The following NEBL variants were observed in gnomAD, a reference collection of about 807,000 sequenced individuals.
The protein encoded by NEBL is nebulette.
Under a neutral mutation model 140.2 loss-of-function variants are expected in NEBL, and 122 were observed. That is an observed-to-expected ratio of 0.87 (90% CI 0.75 to 1.01). The LOEUF is 1.01. NEBL is among the 50% of genes least tolerant of loss of function. The pLI is 0.00. For missense variants in NEBL, 1,365 were observed against 1,231.3 expected (o/e 1.11, Z -1.62); for synonymous variants, 436 against 398.9 (o/e 1.09, Z -1.11).
chr10:21,196,439 G>A (rs1841653365), intron 3 of NEBL, among the ~76,000 whole-genome samples: 1 of 151,454 alleles, frequency 6.6e-6, no homozygotes, highest in African/African-American at 2.4e-5. Flanking sequence ...CTGCCTTCCG[G>A]GTTCAAGAGA....
At chr10:20,876,101 ATAT>A in intron 5 of NEBL, among the ~76,000 whole-genome samples, 1 of 152,332 alleles carries the variant, frequency 6.6e-6, no homozygotes, top group East Asian at 1.9e-4. Context: ...TAAATTGTAA[ATAT>A]TATTTTTCTG....
intron 11 of NEBL, among the ~76,000 whole-genome samples, chr10:20,849,707 T>C (rs577540081): frequency 2.6e-5 from 4 of 152,218 alleles, no homozygotes; most frequent in Non-Finnish European, 5.9e-5. Flanking sequence ...TTAATCTCTG[T>C]TCTTTATAAA....
intron 26 of NEBL, among the ~76,000 whole-genome samples, chr10:20,800,348 C>T (rs1299151746): frequency 1.3e-5 from 2 of 151,168 alleles, no homozygotes; most frequent in Non-Finnish European, 2.9e-5. Context: ...TGTATATATA[C>T]ACATTTTCTT....
intron 4 of NEBL, among the ~76,000 whole-genome samples, chr10:20,948,119 A>AT (rs1291224077): frequency 6.6e-6 from 1 of 152,160 alleles, no homozygotes; most frequent in Non-Finnish European, 1.5e-5. Context: ...TGTTGTTCCT[A>AT]TTTTTAAATT....
intron 4 of NEBL, among the ~76,000 whole-genome samples, chr10:20,884,200 T>C (rs1024744771): frequency 6.6e-6 from 1 of 152,228 alleles, no homozygotes; most frequent in African/African-American, 2.4e-5. Flanking sequence ...ACAGATAAAA[T>C]GTACATTTAT....
Position 20,784,811 on chromosome 10 carries a change from G to A in NEBL, c.*936C>T, listed in dbSNP as rs916815924. The stretch of plus-strand genomic sequence containing the variant: ...AAGATGTAAATCCTTCAAAACTAGA[G>A]TGCGATGCAGCAGGAAAATCTCAAG... On this transcript the variant is annotated 3_prime_UTR_variant, in exon 28 of 28. Transcript: ENST00000377122. 4 of 152,210 alleles carry A rather than the reference G, an allele frequency of 2.6e-5. No individual in the cohort carries two copies. Among genetic ancestry groups the A allele is most frequent in the Non-Finnish European group, 5.9e-5 (4 of 68,046 alleles). 9.4% of individuals were successfully genotyped at this position (152,210 alleles called of 1,614,324 possible). A position where few individuals can be genotyped will look rare whatever the true frequency, so the allele number is the denominator to read the frequency against.
rs1841207973 is a variant in NEBL, at chr10:21,173,970, G to A, written c.-137C>T. On this transcript the variant is annotated 5_prime_UTR_variant, in exon 1 of 7. Coordinates refer to the NEBL transcript ENST00000417816. The surrounding 1 kb of genome is among the most constrained non-coding windows in gnomAD (Gnocchi z 5.7). ...GGCGGGCGCCGGGTAGGGAGTCGGC[G>A]CCGGGCCACGGGTGAGTGCACGGGG... 4 of 1,348,692 alleles carry A rather than the reference G, an allele frequency of 3.0e-6. No individual in the cohort carries two copies. The East Asian group carries it at 9.7e-5, about 33-fold the overall frequency. The allele number at this position is 1,348,692 out of a possible 1,614,324, so 83.5% of individuals were successfully genotyped here.
At chr10:20,941,203 C>CA (rs1834842806) in intron 4 of NEBL, among the ~76,000 whole-genome samples, 1 of 152,176 alleles carries the variant, frequency 6.6e-6, no homozygotes, top group African/African-American at 2.4e-5. Flanking sequence ...TACTGGCAAA[C>CA]CAAATCCAGC....
At chr10:21,014,908 G>C (rs1158807198) in intron 3 of NEBL, among the ~76,000 whole-genome samples, 2 of 152,110 alleles carry the variant, frequency 1.3e-5, no homozygotes, top group East Asian at 3.9e-4. Context: ...TCATGCCTCT[G>C]CAGAAACCTG....
chr10:20,929,057 A>G (rs1834047875), intron 4 of NEBL, among the ~76,000 whole-genome samples: 1 of 152,030 alleles, frequency 6.6e-6, no homozygotes, highest in Non-Finnish European at 1.5e-5. Context: ...TAAAGGTTGG[A>G]GATCTTTGAG....
chr10:21,155,423 C>T (rs1170181496), intron 2 of NEBL, among the ~76,000 whole-genome samples: 2 of 152,168 alleles, frequency 1.3e-5, no homozygotes, highest in Non-Finnish European at 2.9e-5. Flanking sequence ...CACCTCCTCA[C>T]CACCCTCCCA....
At chr10:21,105,980 G>A (rs1371520678) in intron 2 of NEBL, among the ~76,000 whole-genome samples, 4 of 152,048 alleles carry the variant, frequency 2.6e-5, no homozygotes, top group African/African-American at 9.7e-5. Flanking sequence ...CTGCATAAAT[G>A]TCTTCTTCTG....
intron 3 of NEBL, among the ~76,000 whole-genome samples, chr10:20,988,086 T>C (rs1296573397): frequency 1.3e-5 from 2 of 152,172 alleles, no homozygotes; most frequent in Admixed American, 1.3e-4. Context: ...ACTCTCCCCT[T>C]CTGCTGTCTG....
chr10:21,276,388 C>T (rs533308486), intron 1 of NEBL, among the ~76,000 whole-genome samples: 147 of 152,328 alleles, frequency 9.7e-4, no homozygotes, highest in Non-Finnish European at 1.9e-3. Context: ...ACCCTCCACC[C>T]ACCAACCCCT....
intron 3 of NEBL, among the ~76,000 whole-genome samples, chr10:21,017,276 A>T (rs1349403091): frequency 6.6e-6 from 1 of 152,226 alleles, no homozygotes; most frequent in African/African-American, 2.4e-5. Context: ...AACACTGTTG[A>T]TGATGATGAT....
intron 12 of NEBL, among the ~76,000 whole-genome samples, chr10:20,842,270 CTT>C (rs1407786396): frequency 6.6e-6 from 1 of 152,082 alleles, no homozygotes; most frequent in Non-Finnish European, 1.5e-5. Context: ...AGTCAGACCT[CTT>C]TCATTTATTT....
chr10:21,013,159 C>G (rs948511540), intron 3 of NEBL, among the ~76,000 whole-genome samples: 1 of 152,184 alleles, frequency 6.6e-6, no homozygotes, highest in African/African-American at 2.4e-5. Flanking sequence ...GAGTTAACAT[C>G]TGCTTAGCAC....
Position 20,826,511 on chromosome 10 carries a change from C to A in NEBL, c.1805G>T (p.Gly602Val). Residue 602 changes from glycine to valine, a missense_variant, in exon 18 of 28, where the codon GGC becomes GTC. Physicochemically the swap from Gly to Val is moderately radical, Grantham distance 109 (BLOSUM62 -3). Transcript: ENST00000377122. ...AVFYKKEVGA[G>V]TAVKDSPEIE... ...CTCTGGGCTATCTTTCACTGCAGTG[C>A]CAGCTCCCACTTCTTTCTTATAAAA... The A allele has an allele frequency of 1.2e-6, 2 of 1,612,084 alleles. No individual in the cohort carries two copies. Among genetic ancestry groups the A allele is most frequent in the Non-Finnish European group, 1.7e-6 (2 of 1,178,640 alleles).
chr10:20,944,383 A>G (rs1193795205), intron 4 of NEBL, among the ~76,000 whole-genome samples: 1 of 152,190 alleles, frequency 6.6e-6, no homozygotes, highest in Non-Finnish European at 1.5e-5. Context: ...CTGGGCGACA[A>G]GACCAAGACC....
Sources: gnomAD v4.1 joint callset for allele counts (sites outside exome capture counted in the v4.1 genomes callset) on GRCh38, gnomAD v4.1.1 for gene constraint, Gnocchi (gnomAD v3.1) non-coding constraint, MANE v1.5 for transcripts, NCBI Gene and HGNC (gene_info 2026-07-23, HGNC 2026-07-21) for gene names.